The following SMPX variants were observed in gnomAD, a reference collection of about 807,000 sequenced individuals.
SMPX encodes small muscular protein.
In SMPX, 2 loss-of-function variants were observed where a neutral mutation model predicts 6.3. The ratio of observed to expected loss-of-function variants is 0.32; its 90% CI spans 0.13 to 0.99. The LOEUF (loss-of-function observed/expected upper bound fraction) is 0.99. Ranked by LOEUF, SMPX falls within the 50% of genes least tolerant of loss-of-function variation. The pLI, the probability that SMPX is intolerant of heterozygous loss-of-function variation, is 0.49. For missense variants in SMPX, 60 were observed against 66.8 expected, an observed-to-expected ratio of 0.90 and a Z score of 0.36; for synonymous variants, 32 against 24.7, an observed-to-expected ratio of 1.30 and a Z score of -0.88.
At chrX:21,727,581 T>C (rs2092798372) in intron 4 of SMPX, 1 of 111,992 alleles carries the variant, frequency 8.9e-6, no homozygotes, top group African/African-American at 3.2e-5. Context: ...CGGCTGTTTA[T>C]CCAGCAGTCC....
chrX:21,757,886 A>G (rs1372564419), intron 1 of SMPX, 56 bp downstream of exon 1: 1 of 321,144 alleles, frequency 3.1e-6, no homozygotes, highest in Non-Finnish European at 6.0e-6. Context: ...CGAGTTAGGT[A>G]TCAAGGAAAT....
intron 4 of SMPX, among the ~76,000 whole-genome samples, chrX:21,725,726 C>A (rs1201411157): frequency 8.9e-6 from 1 of 112,297 alleles, no homozygotes; most frequent in Non-Finnish European, 1.9e-5. Flanking sequence ...CATGAACTGG[C>A]TCAAGCTCAA....
chrX:21,721,816 G>A (rs1452456536), intron 4 of SMPX, among the ~76,000 whole-genome samples: 1 of 112,559 alleles, frequency 8.9e-6, no homozygotes, highest in Non-Finnish European at 1.9e-5. Flanking sequence ...CAACTGAGTT[G>A]TTCAGAAACC....
At chrX:21,743,097 G>A (rs1486665914) in intron 3 of SMPX, among the ~76,000 whole-genome samples, 7 of 111,615 alleles carry the variant, frequency 6.3e-5, no homozygotes, top group Admixed American at 1.9e-4. Context: ...TTAGCAGATC[G>A]GGTACTTGAA....
chrX:21,739,623 A>T (rs2147388187), intron 3 of SMPX, among the ~76,000 whole-genome samples: 1 of 112,458 alleles, frequency 8.9e-6, no homozygotes, highest in African/African-American at 3.2e-5. Flanking sequence ...TAGATATTCC[A>T]AAATGTTCTT....
At chrX:21,722,398 G>A (rs2092792656) in intron 4 of SMPX, among the ~76,000 whole-genome samples, 1 of 111,802 alleles carries the variant, frequency 8.9e-6, no homozygotes, top group Non-Finnish European at 1.9e-5. Flanking sequence ...TTAGAGATTA[G>A]AAAAATGACT....
chrX:21,713,707 G>T (rs2092781228), intron 4 of SMPX, among the ~76,000 whole-genome samples: 1 of 111,826 alleles, frequency 8.9e-6, no homozygotes. Context: ...GTGAATTATG[G>T]GAGCTACAAT....
intron 3 of SMPX, among the ~76,000 whole-genome samples, chrX:21,738,669 T>C (rs889918040): frequency 2.7e-5 from 3 of 110,548 alleles, no homozygotes; most frequent in Non-Finnish European, 3.8e-5. Context: ...CTGCTTCACA[T>C]TGAAATCCAG....
At chrX:21,708,830 T>A (rs1006533092) in intron 4 of SMPX, among the ~76,000 whole-genome samples, 3 of 112,597 alleles carry the variant, frequency 2.7e-5, no homozygotes, top group African/African-American at 9.7e-5. Context: ...TGTACAGCAA[T>A]GTTGTACAAC....
intron 4 of SMPX, among the ~76,000 whole-genome samples, chrX:21,724,517 T>C (rs1481661772): frequency 8.9e-6 from 1 of 112,427 alleles, no homozygotes; most frequent in Non-Finnish European, 1.9e-5. Flanking sequence ...GGTAGATTAA[T>C]CTTGAATATC....
chrX:21,716,018 T>C (rs1353435510), intron 4 of SMPX, among the ~76,000 whole-genome samples: 1 of 112,051 alleles, frequency 8.9e-6, no homozygotes, highest in Non-Finnish European at 1.9e-5. Context: ...TGTTAAGTGG[T>C]CCCTTCTGGG....
intron 1 of SMPX, among the ~76,000 whole-genome samples, chrX:21,755,986 A>G (rs1471278011): frequency 8.9e-6 from 1 of 112,636 alleles, no homozygotes; most frequent in Non-Finnish European, 1.9e-5. Flanking sequence ...AAAGAAATGA[A>G]GGATTTTTAA....
chrX:21,735,546 A>G (rs1281334632), intron 4 of SMPX, among the ~76,000 whole-genome samples: 2 of 111,800 alleles, frequency 1.8e-5, no homozygotes, highest in Non-Finnish European at 3.8e-5. Context: ...GTTCCCTGTA[A>G]TCACACAGCC....
At chrX:21,725,403 TA>T (rs1343247643) in intron 4 of SMPX, among the ~76,000 whole-genome samples, 1 of 112,568 alleles carries the variant, frequency 8.9e-6, no homozygotes, top group East Asian at 2.8e-4. Context: ...AAATGCTGTA[TA>T]AAGTCCATTG....
In SMPX at chrX:21,706,053, C is replaced by T. The variant is rs1422556602; in HGVS notation, c.*356G>A. 3 of 506,852 alleles carry T rather than the reference C, an allele frequency of 5.9e-6. No homozygotes were observed. The highest frequency in any genetic ancestry group is 4.6e-5 in the African/African-American group (2 of 43,342). 41.8% of individuals were successfully genotyped at this position (506,852 alleles called of 1,213,427 possible). On this transcript the variant is annotated 3_prime_UTR_variant, in exon 5 of 5. Transcript: ENST00000379494. ...TAATTTAAAAGGTGAAGAACTAAAA[C>T]GCATTCCAAATATTGACCAAAATAC...
chrX:21,743,180 G>T (rs1376207844), intron 3 of SMPX, among the ~76,000 whole-genome samples: 1 of 111,771 alleles, frequency 8.9e-6, no homozygotes, highest in East Asian at 2.8e-4. Flanking sequence ...CCCTTGCAAA[G>T]TCCCCTTTTC....
intron 4 of SMPX, among the ~76,000 whole-genome samples, chrX:21,715,794 G>A (rs748354327): frequency 6.3e-5 from 7 of 111,564 alleles, no homozygotes; most frequent in Admixed American, 2.8e-4. Context: ...TTACAATCAG[G>A]AAGGAGAGGG....
intron 4 of SMPX, among the ~76,000 whole-genome samples, chrX:21,721,709 T>C (rs964753183): frequency 2.7e-5 from 3 of 112,172 alleles, no homozygotes; most frequent in Admixed American, 9.4e-5. Context: ...CTGAGGACCA[T>C]AGATCTAACT....
chrX:21,743,175 G>A (rs1433296164), intron 3 of SMPX, among the ~76,000 whole-genome samples: 1 of 111,904 alleles, frequency 8.9e-6, no homozygotes, highest in East Asian at 2.8e-4. Flanking sequence ...AGACTCCCTT[G>A]CAAAGTCCCC....
Sources: gnomAD v4.1 joint callset for allele counts (sites outside exome capture counted in the v4.1 genomes callset) on GRCh38, gnomAD v4.1.1 for gene constraint, MANE v1.5 for transcripts, NCBI Gene and HGNC (gene_info 2026-07-23, HGNC 2026-07-21) for gene names.